FBXO15: variants seen among roughly 807,000 people sequenced by gnomAD.
FBXO15 encodes the protein F-box only protein 15.
In FBXO15, 30 loss-of-function variants were observed where a neutral mutation model predicts 49.5. The ratio of observed to expected loss-of-function variants is 0.61; its 90% CI spans 0.45 to 0.82. The LOEUF (loss-of-function observed/expected upper bound fraction) is 0.82, where lower values mean the gene tolerates loss of function less well. FBXO15 is among the 40% of genes least tolerant of loss of function. FBXO15 has a pLI of 0.00. For synonymous variants in FBXO15, 250 were observed against 232.7 expected (o/e 1.07, Z -0.68); for missense variants, 591 against 631.5 (o/e 0.94, Z 0.69).
Position 74,081,938 on chromosome 18 carries a change from C to T in FBXO15, c.1252G>A (p.Gly418Ser). ...GLSWKTDIFD[G>S]CIKSCSMMDV... ...GGTTCTGTTTTTACCTTTATACAGC[C>T]ATCAAAAATATCAGTTTTCCACGAG... The change falls in exon 9 of 10, where the codon GGC (glycine) becomes AGC (serine). Residue 418 changes from glycine to serine, a missense_variant. Transcript: ENST00000419743. 9 of 1,611,220 alleles carry T rather than the reference C, an allele frequency of 5.6e-6. No homozygotes were observed. Among genetic ancestry groups the T allele is most frequent in the Non-Finnish European group, 7.6e-6 (9 of 1,178,596 alleles).
chr18:74,090,871 G>A (rs531302554), intron 8 of FBXO15, among the ~76,000 whole-genome samples: 32 of 152,258 alleles, frequency 2.1e-4, no homozygotes, highest in Non-Finnish European at 7.4e-5. Context: ...TGAGAAGAGC[G>A]TATATTCTGT....
At chr18:74,111,437 G>A (rs118126149) in intron 8 of FBXO15, among the ~76,000 whole-genome samples, 1 of 151,768 alleles carries the variant, frequency 6.6e-6, no homozygotes, top group African/African-American at 2.4e-5. Context: ...AATAACCCAG[G>A]GGTCAAAAAA....
chr18:74,147,599 G>A (rs1979521273), intron 1 of FBXO15, 71 bp downstream of exon 1: 17 of 1,337,298 alleles, frequency 1.3e-5, no homozygotes, highest in Non-Finnish European at 1.6e-5. Flanking sequence ...TAAAATACAC[G>A]GTGAAGAGAG....
intron 8 of FBXO15, among the ~76,000 whole-genome samples, chr18:74,104,146 AGTAT>A (rs1369605618): frequency 6.6e-6 from 1 of 152,148 alleles, no homozygotes; most frequent in Non-Finnish European, 1.5e-5. Flanking sequence ...TGGTAATTAA[AGTAT>A]GTAATTTTTT....
intron 3 of FBXO15, among the ~76,000 whole-genome samples, chr18:74,132,454 A>G (rs757135158): frequency 1.5e-4 from 23 of 152,268 alleles, no homozygotes; most frequent in Admixed American, 2.0e-4. Flanking sequence ...GAATCACAGC[A>G]TAAACTCCAC....
intron 8 of FBXO15, among the ~76,000 whole-genome samples, chr18:74,091,284 G>A (rs1913015388): frequency 6.6e-6 from 1 of 152,084 alleles, no homozygotes; most frequent in Admixed American, 6.6e-5. Flanking sequence ...GTCTATAGGT[G>A]TCACTGCATG....
intron 5 of FBXO15, among the ~76,000 whole-genome samples, 196 bp downstream of exon 5, chr18:74,129,209 G>C (rs571287943): frequency 1.3e-5 from 2 of 152,270 alleles, no homozygotes; most frequent in South Asian, 2.1e-4. Flanking sequence ...CCCAAGATAC[G>C]AGGAAGTTAA....
At chr18:74,108,077 C>T (rs536670416) in intron 8 of FBXO15, among the ~76,000 whole-genome samples, 2 of 152,144 alleles carry the variant, frequency 1.3e-5, no homozygotes, top group Admixed American at 6.5e-5. Flanking sequence ...CACCTTACCA[C>T]CACATTACTA....
At chr18:74,132,188 C>A (rs1978435656) in intron 3 of FBXO15, among the ~76,000 whole-genome samples, 7 of 152,226 alleles carry the variant, frequency 4.6e-5, no homozygotes, top group Admixed American at 3.9e-4. Flanking sequence ...GAGTTGAGTA[C>A]ATTTAAGTAA....
chr18:74,130,002 C>T (rs891863161), intron 4 of FBXO15, among the ~76,000 whole-genome samples: 1 of 152,180 alleles, frequency 6.6e-6, no homozygotes, highest in African/African-American at 2.4e-5. Flanking sequence ...CCCCATGATA[C>T]CAAAATCTGT....
At position 74,073,824 on chromosome 18, in the gene FBXO15, T is replaced by C. The variant is rs1011650572; in HGVS notation, c.1264-94A>G. The C allele has an allele frequency of 4.8e-6, 7 of 1,447,706 alleles. No individual in the cohort carries two copies. The African/African-American group carries it at 1.0e-4, about 21-fold the overall frequency. The allele number at this position is 1,447,706 out of a possible 1,614,324, so 89.7% of individuals were successfully genotyped here. A position where few individuals can be genotyped will look rare whatever the true frequency, so the allele number is the denominator to read the frequency against. On this transcript the variant is annotated intron_variant, in intron 9 of 9. Transcript: ENST00000419743. ...ACTCTGTAAAACTCACTAGAAATGC[T>C]GCGTGTGGCATCAAAATCCAGAATA...
chr18:74,124,490 T>C lies in FBXO15; in HGVS notation c.994A>G (p.Ile332Val), dbSNP rs1343501816. Residue 332 changes from isoleucine to valine, a missense_variant and splice_region_variant, in exon 7 of 10, where the codon ATC (isoleucine) becomes GTC (valine). Physicochemically the swap from Ile to Val is conservative, Grantham distance 29. Transcript: ENST00000419743. ...ACACACCCACATATAAATACATACATAGTAGCCGAGCCTAATGTGCTCCTC... is the reference window on the plus strand; with the variant it reads ...ACACACCCACATATAAATACATACACAGTAGCCGAGCCTAATGTGCTCCTC... Reference protein sequence around the residue: ...VERSTLGSATIPYELPPHSPF... With the variant: ...VERSTLGSATVPYELPPHSPF... 9 of 1,613,408 alleles carry C rather than the reference T, an allele frequency of 5.6e-6. No homozygotes were observed. Among genetic ancestry groups the C allele is most frequent in the African/African-American group, 1.3e-5 (1 of 74,924 alleles).
At chr18:74,146,205 T>C (rs1372870627) in intron 1 of FBXO15, among the ~76,000 whole-genome samples, 1 of 152,246 alleles carries the variant, frequency 6.6e-6, no homozygotes, top group Non-Finnish European at 1.5e-5. Flanking sequence ...CAGTTTGTGA[T>C]ATTTATACAT....
intron 8 of FBXO15, among the ~76,000 whole-genome samples, chr18:74,121,780 G>A (rs557845538): frequency 6.6e-6 from 1 of 152,314 alleles, no homozygotes; most frequent in South Asian, 2.1e-4. Flanking sequence ...TGGGGGCGAG[G>A]AGGAAAGAAG....
intron 8 of FBXO15, among the ~76,000 whole-genome samples, chr18:74,100,555 T>A (rs993636365): frequency 2.0e-5 from 3 of 150,846 alleles, no homozygotes; most frequent in African/African-American, 7.3e-5. Context: ...ATAAAGGAAA[T>A]AACCAAGATC....
chr18:74,130,713 C>T, intron 3 of FBXO15, 55 bp from the exon 4 acceptor site: 1 of 1,521,474 alleles, frequency 6.6e-7, no homozygotes, highest in Middle Eastern at 2.0e-4. Flanking sequence ...CTACCTTAGT[C>T]ATAATATATC....
chr18:74,116,462 A>G (rs1262687428), intron 8 of FBXO15, among the ~76,000 whole-genome samples: 3 of 152,176 alleles, frequency 2.0e-5, no homozygotes, highest in Admixed American at 2.0e-4. Context: ...CATCCATAAA[A>G]TCCCTTATTC....
At chr18:74,122,556 A>C (rs1488347985) in intron 8 of FBXO15, 1 of 152,372 alleles carries the variant, frequency 6.6e-6, no homozygotes, top group Non-Finnish European at 1.5e-5. Context: ...ATGAGTGTCA[A>C]GTCCACTAGA....
chr18:74,085,635 G>C (rs1912705690), intron 8 of FBXO15, among the ~76,000 whole-genome samples: 1 of 152,030 alleles, frequency 6.6e-6, no homozygotes, highest in Non-Finnish European at 1.5e-5. Flanking sequence ...AAATGGAATA[G>C]ATTGGTTCAG....
Sources: gnomAD v4.1 joint callset for allele counts (sites outside exome capture counted in the v4.1 genomes callset) on GRCh38, gnomAD v4.1.1 for gene constraint, MANE v1.5 for transcripts, NCBI Gene and HGNC (gene_info 2026-07-23, HGNC 2026-07-21) for gene names.